DOCK4: variants seen among roughly 807,000 people sequenced by gnomAD.
DOCK4 encodes the protein dedicator of cytokinesis 4, also known as dedicator of cytokinesis protein 4.
A neutral mutation model predicts 268.1 loss-of-function variants in DOCK4; 97 were observed. The observed-to-expected ratio is 0.36, with a 90% CI of 0.31 to 0.43. The LOEUF (loss-of-function observed/expected upper bound fraction) is 0.43. Among genes scored for constraint, DOCK4 ranks in the 20% least tolerant of loss-of-function variants. The pLI, the probability that DOCK4 is intolerant of heterozygous loss-of-function variation, is 1.00. For missense variants in DOCK4, 2,145 were observed against 2,455.7 expected (o/e 0.87, Z 2.67); for synonymous variants, 954 against 887.2 (o/e 1.08, Z -1.34).
At chr7:112,128,863 A>G (rs1384472851) in intron 1 of DOCK4, among the ~76,000 whole-genome samples, 2 of 152,140 alleles carry the variant, frequency 1.3e-5, no homozygotes, top group Admixed American at 6.6e-5. Flanking sequence ...CTATTGTCCT[A>G]TGACCCTGCC....
chr7:112,108,737 T>G (rs1811357356), intron 1 of DOCK4, among the ~76,000 whole-genome samples: 1 of 152,208 alleles, frequency 6.6e-6, no homozygotes, highest in South Asian at 2.1e-4. Flanking sequence ...TCCTTTCTAT[T>G]TATCAAAGAC....
Position 111,919,231 on chromosome 7 carries a change from A to G in DOCK4, c.1067-3327T>C, listed in dbSNP as rs564630508. Among the ~76,000 whole-genome samples, 7 of 152,318 alleles carry G rather than the reference A, an allele frequency of 4.6e-5. No individual in the cohort carries two copies. The South Asian group carries it at 1.4e-3, about 32-fold the overall frequency. On this transcript the variant is annotated intron_variant, in intron 12 of 52. Transcript: ENST00000428084. ...GAAAACCATTGGGTCAGAGAGGTGA[A>G]TCCTGAAGAAAATTAAAGAAGATAG...
chr7:112,101,645 A>G (rs368338632), intron 1 of DOCK4, among the ~76,000 whole-genome samples: 26 of 152,052 alleles, frequency 1.7e-4, no homozygotes, highest in African/African-American at 5.8e-4. Flanking sequence ...TCACTTTCCA[A>G]CCATAACTGT....
chr7:112,168,807 T>C (rs1817830345), intron 1 of DOCK4, among the ~76,000 whole-genome samples: 1 of 152,224 alleles, frequency 6.6e-6, no homozygotes, highest in Admixed American at 6.5e-5. Flanking sequence ...CTTACAGCTA[T>C]ATTTGTCAAT....
intron 8 of DOCK4, among the ~76,000 whole-genome samples, chr7:111,950,577 A>C (rs572590931): frequency 2.6e-5 from 4 of 152,336 alleles, no homozygotes; most frequent in African/African-American, 9.6e-5. Context: ...GATGTTTGAT[A>C]AGACTAACCA....
At chr7:112,012,150 A>G (rs1462466651) in intron 1 of DOCK4, among the ~76,000 whole-genome samples, 2 of 152,190 alleles carry the variant, frequency 1.3e-5, no homozygotes, top group Non-Finnish European at 2.9e-5. Context: ...GAAATTTGGA[A>G]GCTAGATCTG....
At chr7:111,932,567 T>C (rs369035104) in intron 12 of DOCK4, among the ~76,000 whole-genome samples, 13 of 152,088 alleles carry the variant, frequency 8.5e-5, no homozygotes, top group African/African-American at 2.9e-4. Flanking sequence ...AAGTATAATG[T>C]GAATCATGAA....
intron 47 of DOCK4, chr7:111,740,002 A>C (rs1477163310): frequency 3.2e-6 from 1 of 312,454 alleles, no homozygotes. Flanking sequence ...TAAAATCCCT[A>C]AAAACTACAT....
At chr7:112,202,613 A>T (rs958261687) in intron 1 of DOCK4, among the ~76,000 whole-genome samples, 13 of 152,122 alleles carry the variant, frequency 8.5e-5, no homozygotes, top group Non-Finnish European at 1.6e-4. Flanking sequence ...GCATGTCAGT[A>T]ATCCCAGTTA....
chr7:112,016,892 T>C (rs1387395562), intron 1 of DOCK4, among the ~76,000 whole-genome samples: 1 of 152,204 alleles, frequency 6.6e-6, no homozygotes, highest in African/African-American at 2.4e-5. Flanking sequence ...TCTTTAGATA[T>C]TACTTCCTTA....
intron 1 of DOCK4, among the ~76,000 whole-genome samples, chr7:112,194,593 TC>T: frequency 6.6e-6 from 1 of 152,224 alleles, no homozygotes; most frequent in East Asian, 1.9e-4. Flanking sequence ...CTTCTACCAG[TC>T]CAACCTCTAA....
intron 12 of DOCK4, among the ~76,000 whole-genome samples, chr7:111,919,766 T>C (rs969626385): frequency 5.9e-5 from 9 of 152,116 alleles, no homozygotes; most frequent in Non-Finnish European, 1.3e-4. Flanking sequence ...ATCAAATCTT[T>C]CCACAAAGAA....
At chr7:112,036,613 T>C (rs982675548) in intron 1 of DOCK4, among the ~76,000 whole-genome samples, 4 of 151,930 alleles carry the variant, frequency 2.6e-5, no homozygotes, top group Admixed American at 2.0e-4. Flanking sequence ...CTGACAAATA[T>C]ATATACAGAC....
chr7:112,114,692 A>AGAT, intron 1 of DOCK4, among the ~76,000 whole-genome samples: 1 of 152,274 alleles, frequency 6.6e-6, no homozygotes, highest in Non-Finnish European at 1.5e-5. Context: ...CGAGGGACTG[A>AGAT]GATTTTTATT....
At chr7:111,968,991 A>G (rs1439547347) in intron 8 of DOCK4, among the ~76,000 whole-genome samples, 3 of 97,076 alleles carry the variant, frequency 3.1e-5, no homozygotes, top group Non-Finnish European at 3.9e-5. Flanking sequence ...ATTCTCACTC[A>G]TAGGTGGGAA....
chr7:111,986,721 G>A (rs918371424), intron 6 of DOCK4, among the ~76,000 whole-genome samples: 1 of 152,160 alleles, frequency 6.6e-6, no homozygotes, highest in African/African-American at 2.4e-5. Context: ...ACAGAAACAT[G>A]TACCATTATT....
intron 47 of DOCK4, chr7:111,740,086 C>T (rs1411230675): frequency 4.5e-6 from 2 of 441,706 alleles, no homozygotes; most frequent in African/African-American, 2.0e-5. Flanking sequence ...TAAAACAGAC[C>T]CTCAAATCAT....
chr7:111,750,350 T>C (rs2133504767), intron 42 of DOCK4, among the ~76,000 whole-genome samples: 1 of 152,336 alleles, frequency 6.6e-6, no homozygotes, highest in East Asian at 1.9e-4. Flanking sequence ...AGAGATGTTA[T>C]CTACAGAATG....
At position 112,072,653 on chromosome 7, in the gene DOCK4, G is replaced by A. The variant is rs145727884; in HGVS notation, c.38-68522C>T. ...GAATGTCAGGCAACCATCAGGTGAT[G>A]GTCAGGAGGTTGTTAAACTGTCTCC... On this transcript the variant is annotated intron_variant, in intron 1 of 52. Coordinates refer to ENST00000428084, the MANE Select transcript of DOCK4 (RefSeq NM_001363540.2). Among the ~76,000 whole-genome samples, 237 of 152,240 alleles carry A rather than the reference G, an allele frequency of 1.6e-3. 1 individual carries two copies. The highest frequency in any genetic ancestry group is 5.3e-3 in the African/African-American group (220 of 41,540).
Sources: gnomAD v4.1 joint callset for allele counts (sites outside exome capture counted in the v4.1 genomes callset) on GRCh38, gnomAD v4.1.1 for gene constraint, MANE v1.5 for transcripts, NCBI Gene and HGNC (gene_info 2026-07-23, HGNC 2026-07-21) for gene names.